The following LRRC27 variants were observed in gnomAD, a reference collection of about 807,000 sequenced individuals.
LRRC27 encodes the protein leucine-rich repeat-containing protein 27.
A neutral mutation model predicts 55.0 loss-of-function variants in LRRC27; 57 were observed. The observed-to-expected ratio is 1.04, with a 90% confidence interval of 0.84 to 1.29. LRRC27 has a LOEUF of 1.29. LRRC27 is among the 50% of genes most tolerant of loss of function. LRRC27 has a pLI of 0.00. For missense variants in LRRC27, 721 were observed against 651.5 expected (o/e 1.11, Z -1.16); for synonymous variants, 278 against 251.9 (o/e 1.10, Z -0.98).
upstream of LRRC27, chr10:132,330,218 A>T (rs2066621127): frequency 5.6e-6 from 3 of 537,768 alleles, no homozygotes; most frequent in Admixed American, 3.1e-5. Flanking sequence ...TGACTACAAA[A>T]ATTAATGTAG....
Position 132,378,731 on chromosome 10 carries a change from A to T in LRRC27, c.*3489A>T, listed in dbSNP as rs1275472895. The T allele has an allele frequency of 6.6e-6, 1 of 152,308 alleles. No homozygotes were observed. The highest frequency in any genetic ancestry group is 1.5e-5 in the Non-Finnish European group (1 of 68,078). The allele number at this position is 152,308 out of a possible 1,614,324, so 9.4% of individuals were successfully genotyped here. On this transcript the variant is annotated 3_prime_UTR_variant, in exon 11 of 11. Coordinates refer to ENST00000368614, the MANE Select transcript of LRRC27 (RefSeq NM_030626.3). ...AGCTTTATGATAGAGAAAAAAACACAAACATAGACGATTGTACCATTGCAC... is the reference window on the plus strand; with the variant it reads ...AGCTTTATGATAGAGAAAAAAACACTAACATAGACGATTGTACCATTGCAC...
chr10:132,354,884 CG>C, intron 7 of LRRC27, among the ~76,000 whole-genome samples: 1 of 152,258 alleles, frequency 6.6e-6, no homozygotes. Context: ...GCTGGCCTTC[CG>C]GGGGTGGAGC....
At chr10:132,337,842 G>C (rs1233367369) in intron 3 of LRRC27, 147 bp downstream of exon 3, 1 of 851,096 alleles carries the variant, frequency 1.2e-6, no homozygotes, top group African/African-American at 1.7e-5. Flanking sequence ...CTAAGAGGTT[G>C]CGACGGCTGA....
At chr10:132,354,091 C>A (rs914465415) in intron 7 of LRRC27, among the ~76,000 whole-genome samples, 1 of 152,256 alleles carries the variant, frequency 6.6e-6, no homozygotes, top group Non-Finnish European at 1.5e-5. Context: ...ATGAGACCTT[C>A]CGCAGGCACA....
rs974592586 is a variant in LRRC27, at chr10:132,361,402, G to A, written c.1171-55G>A. The A allele has an allele frequency of 8.3e-6, 12 of 1,452,178 alleles. No homozygotes were observed. The Admixed American group carries it at 1.8e-4, about 22-fold the overall frequency. The allele number at this position is 1,452,178 out of a possible 1,614,324, so 90.0% of individuals were successfully genotyped here. On this transcript the variant is annotated intron_variant, in intron 8 of 10. Coordinates refer to ENST00000368614, the MANE Select transcript of LRRC27 (RefSeq NM_030626.3). ...CTAACACACCTTGCAGGTTAGCTTTGTGGAAAAACATCATCTACTGGGATT... is the reference window on the plus strand; with the variant it reads ...CTAACACACCTTGCAGGTTAGCTTTATGGAAAAACATCATCTACTGGGATT...
At chr10:132,349,824 C>T (rs1273693321) in intron 6 of LRRC27, among the ~76,000 whole-genome samples, 1 of 152,182 alleles carries the variant, frequency 6.6e-6, no homozygotes, top group Non-Finnish European at 1.5e-5. Context: ...GTGTTGTCTT[C>T]CCCCTCTGCT....
intron 10 of LRRC27, chr10:132,366,675 C>T (rs2069094510): frequency 3.7e-6 from 1 of 272,798 alleles, no homozygotes; most frequent in Non-Finnish European, 6.2e-6. Context: ...TGGCCTCTTC[C>T]AGGTCAGTGT....
intron 9 of LRRC27, among the ~76,000 whole-genome samples, chr10:132,363,051 A>T (rs2133051753): frequency 8.9e-6 from 1 of 111,970 alleles, no homozygotes; most frequent in East Asian, 2.3e-4. Flanking sequence ...TATGGGGTTC[A>T]CCCTTCTCAC....
intron 7 of LRRC27, among the ~76,000 whole-genome samples, chr10:132,353,851 T>G (rs1163366698): frequency 2.6e-5 from 4 of 152,246 alleles, no homozygotes; most frequent in African/African-American, 4.8e-5. Context: ...CTGTCAAGCA[T>G]GCCAGCTGCC....
intron 4 of LRRC27, among the ~76,000 whole-genome samples, chr10:132,342,793 G>GA (rs2067481795): frequency 6.6e-6 from 1 of 152,090 alleles, no homozygotes; most frequent in South Asian, 2.1e-4. Context: ...AGTAGCCCAG[G>GA]AAAAAATGTC....
chr10:132,330,825 A>G (rs1283998052), upstream of LRRC27, among the ~76,000 whole-genome samples: 1 of 151,526 alleles, frequency 6.6e-6, no homozygotes, highest in East Asian at 2.0e-4. Flanking sequence ...AACATTTCTT[A>G]CTGTGATCTC....
At chr10:132,363,583 G>A (rs993631907) in intron 9 of LRRC27, among the ~76,000 whole-genome samples, 1 of 152,178 alleles carries the variant, frequency 6.6e-6, no homozygotes, top group African/African-American at 2.4e-5. Context: ...CATGAGCACT[G>A]CTCTCCGGTG....
chr10:132,348,374 CG>C lies in LRRC27; in HGVS notation c.926+23del. ...GTTTTCAGGTAAAACTGAAAAGCAA[CG>C]GGGGATTTTCTTGATCTTTGCGAAT... On this transcript the variant is annotated intron_variant, in intron 6 of 10. Transcript: ENST00000368614. This position sits in a 1 kb window ranked among gnomAD's most constrained non-coding sequence, Gnocchi z 4.2. The C allele has an allele frequency of 6.3e-7, 1 of 1,597,128 alleles. No homozygotes were observed. Among genetic ancestry groups the C allele is most frequent in the East Asian group, 2.2e-5 (1 of 44,602 alleles).
At chr10:132,355,116 C>A (rs1007234192) in intron 7 of LRRC27, among the ~76,000 whole-genome samples, 2 of 152,170 alleles carry the variant, frequency 1.3e-5, no homozygotes, top group African/African-American at 4.8e-5. Flanking sequence ...TGCTCCGTCA[C>A]CCAGGCTGGA....
intron 9 of LRRC27, among the ~76,000 whole-genome samples, 156 bp from the exon 10 acceptor site, chr10:132,365,268 G>A (rs2069012321): frequency 6.6e-6 from 1 of 152,246 alleles, no homozygotes; most frequent in Non-Finnish European, 1.5e-5. Flanking sequence ...GAGGCCCAGG[G>A]CAGCGCCACA....
At chr10:132,361,649 T>G in intron 9 of LRRC27, 74 bp downstream of exon 9, 2 of 1,088,398 alleles carry the variant, frequency 1.8e-6, no homozygotes, top group Non-Finnish European at 2.8e-6. Context: ...TGTTGTTTAT[T>G]TCATGAGCAT....
At chr10:132,335,684 G>GT (rs1373391247) in intron 2 of LRRC27, among the ~76,000 whole-genome samples, 1 of 152,204 alleles carries the variant, frequency 6.6e-6, no homozygotes, top group Non-Finnish European at 1.5e-5. Flanking sequence ...TAGGGTCGCA[G>GT]TCTTCCTGGA....
chr10:132,338,709 T>TA lies in LRRC27; in HGVS notation c.341+1014_341+1015insA, dbSNP rs1564822797. Among the ~76,000 whole-genome samples, 68 of 149,408 alleles carry TA rather than the reference T, an allele frequency of 4.6e-4. No individual in the cohort carries two copies. The East Asian group carries it at 6.5e-3, about 14-fold the overall frequency. The stretch of plus-strand genomic sequence containing the variant: ...CTTAACTCTTTTTCTTTTCTTTCTT[T>TA]CTTTTTTTTTTTTTTTTTGAGACGG... On this transcript the variant is annotated intron_variant, in intron 3 of 10. Transcript: ENST00000368614.
At chr10:132,337,065 T>C in intron 2 of LRRC27, 1 of 1,298,004 alleles carries the variant, frequency 7.7e-7, no homozygotes, top group Non-Finnish European at 9.8e-7. Context: ...CTGCTGATCG[T>C]AGAGAACACC....
Sources: gnomAD v4.1 joint callset for allele counts (sites outside exome capture counted in the v4.1 genomes callset) on GRCh38, gnomAD v4.1.1 for gene constraint, Gnocchi (gnomAD v3.1) non-coding constraint, MANE v1.5 for transcripts, NCBI Gene and HGNC (gene_info 2026-07-23, HGNC 2026-07-21) for gene names.